Variants in ANKS1B observed in about 807,000 individuals in gnomAD.
The protein encoded by ANKS1B is ankyrin repeat and sterile alpha motif domain containing 1B, also known as ankyrin repeat and sterile alpha motif domain-containing protein 1B.
In ANKS1B, 36 loss-of-function variants were observed where a neutral mutation model predicts 148.3. The observed-to-expected ratio is 0.24, with a 90% CI of 0.19 to 0.32. The LOEUF is 0.32. Among genes scored for constraint, ANKS1B ranks in the 10% least tolerant of loss-of-function variants. The pLI, the probability that ANKS1B is intolerant of heterozygous loss-of-function variation, is 1.00. For synonymous variants in ANKS1B, 542 were observed against 560.8 expected (o/e 0.97, Z 0.47); for missense variants, 1,157 against 1,542.6 (o/e 0.75, Z 4.19).
At chr12:99,215,819 T>C (rs893037239) in intron 14 of ANKS1B, among the ~76,000 whole-genome samples, 4 of 152,330 alleles carry the variant, frequency 2.6e-5, no homozygotes, top group African/African-American at 9.6e-5. Flanking sequence ...TTGTCTCAGA[T>C]GAGACTTTGG....
intron 17 of ANKS1B, among the ~76,000 whole-genome samples, chr12:99,027,172 T>C (rs893299570): frequency 1.3e-5 from 2 of 152,222 alleles, no homozygotes; most frequent in South Asian, 2.1e-4. Flanking sequence ...ACAATCTGCA[T>C]ATTTAAAGAA....
At chr12:99,074,316 C>CA (rs540112405) in intron 16 of ANKS1B, among the ~76,000 whole-genome samples, 30 of 149,044 alleles carry the variant, frequency 2.0e-4, no homozygotes, top group African/African-American at 7.0e-4. Flanking sequence ...TAAACGATTC[C>CA]AAGATAAATT....
chr12:99,175,910 G>T (rs1364920758), intron 14 of ANKS1B, among the ~76,000 whole-genome samples: 1 of 152,160 alleles, frequency 6.6e-6, no homozygotes, highest in African/African-American at 2.4e-5. Context: ...GCAGTAGCAT[G>T]ATCTCCATTG....
chr12:99,546,126 C>G (rs1012093004), intron 9 of ANKS1B, among the ~76,000 whole-genome samples: 1 of 152,100 alleles, frequency 6.6e-6, no homozygotes, highest in African/African-American at 2.4e-5. Context: ...CTGTAGACAG[C>G]TGGCACATAG....
chr12:99,127,667 C>G (rs979077725), intron 15 of ANKS1B, among the ~76,000 whole-genome samples: 2 of 152,138 alleles, frequency 1.3e-5, no homozygotes, highest in Admixed American at 1.3e-4. Context: ...CACCAAGGGC[C>G]GTGTAGTTTT....
At chr12:99,236,847 G>C (rs1281559342) in intron 14 of ANKS1B, among the ~76,000 whole-genome samples, 4 of 152,130 alleles carry the variant, frequency 2.6e-5, no homozygotes, top group Non-Finnish European at 5.9e-5. Context: ...ACTAACACAG[G>C]AACAGAAAAC....
intron 15 of ANKS1B, among the ~76,000 whole-genome samples, chr12:99,087,964 TAGG>T (rs1188608360): frequency 6.6e-6 from 1 of 152,170 alleles, no homozygotes; most frequent in East Asian, 1.9e-4. Context: ...TGAAGAATTA[TAGG>T]GAAGTTAGAT....
intron 9 of ANKS1B, among the ~76,000 whole-genome samples, chr12:99,630,728 G>C (rs966510507): frequency 1.3e-5 from 2 of 152,172 alleles, no homozygotes; most frequent in Non-Finnish European, 2.9e-5. Context: ...CTTTCCTAGT[G>C]GGGAGTAACA....
intron 12 of ANKS1B, among the ~76,000 whole-genome samples, chr12:99,262,051 C>T (rs567914228): frequency 6.6e-6 from 1 of 152,168 alleles, no homozygotes; most frequent in South Asian, 2.1e-4. Context: ...CTTGTTTTTT[C>T]TGCCTGGGAT....
intron 2 of ANKS1B, among the ~76,000 whole-genome samples, chr12:99,821,376 G>A (rs781561434): frequency 5.9e-5 from 9 of 151,580 alleles, no homozygotes; most frequent in Non-Finnish European, 1.2e-4. Flanking sequence ...GTAATTAAAG[G>A]GATCTTTAAA....
chr12:99,055,012 C>T (rs146623020), intron 16 of ANKS1B, among the ~76,000 whole-genome samples: 7 of 152,286 alleles, frequency 4.6e-5, no homozygotes, highest in African/African-American at 9.6e-5. Context: ...GTGGTAGCTA[C>T]AAATGTAAAT....
chr12:99,722,226 C>T (rs536244663), intron 8 of ANKS1B, among the ~76,000 whole-genome samples: 1 of 152,306 alleles, frequency 6.6e-6, no homozygotes, highest in African/African-American at 2.4e-5. Context: ...ACAACAGATT[C>T]TCAATGTAGA....
intron 1 of ANKS1B, among the ~76,000 whole-genome samples, chr12:99,887,133 A>G (rs1033457325): frequency 1.1e-4 from 16 of 152,200 alleles, no homozygotes; most frequent in African/African-American, 3.6e-4. Context: ...TAACTGAAAC[A>G]GTGAAAGGCT....
intron 12 of ANKS1B, among the ~76,000 whole-genome samples, chr12:99,383,397 C>T (rs1421507276): frequency 6.6e-6 from 1 of 152,196 alleles, no homozygotes; most frequent in Admixed American, 6.5e-5. Flanking sequence ...TTTAAAATGG[C>T]TTATGAAGCC....
At chr12:99,891,314 G>C (rs2093092506) in intron 1 of ANKS1B, among the ~76,000 whole-genome samples, 1 of 152,080 alleles carries the variant, frequency 6.6e-6, no homozygotes, top group Non-Finnish European at 1.5e-5. Context: ...AAACAATTGA[G>C]AGTGTGTGTG....
At chr12:99,955,074 T>A (rs2095295167) in intron 1 of ANKS1B, among the ~76,000 whole-genome samples, 1 of 152,166 alleles carries the variant, frequency 6.6e-6, no homozygotes, top group South Asian at 2.1e-4. Flanking sequence ...TTGGGCCATC[T>A]GACACCTAAG....
intron 14 of ANKS1B, among the ~76,000 whole-genome samples, chr12:99,159,640 CT>C (rs2076437534): frequency 6.6e-6 from 1 of 152,114 alleles, no homozygotes; most frequent in African/African-American, 2.4e-5. Flanking sequence ...TTGATGAGTA[CT>C]CAGGTTGATG....
intron 9 of ANKS1B, among the ~76,000 whole-genome samples, chr12:99,566,016 TACGCTG>T (rs2097389024): frequency 6.6e-6 from 1 of 152,166 alleles, no homozygotes; most frequent in Non-Finnish European, 1.5e-5. Context: ...TTGTACTGAA[TACGCTG>T]ACATTTTGAT....
chr12:99,266,379 A>T (rs944817030), intron 12 of ANKS1B, among the ~76,000 whole-genome samples: 1 of 152,214 alleles, frequency 6.6e-6, no homozygotes, highest in African/African-American at 2.4e-5. Context: ...AAGCATTGTG[A>T]TAAGTGTTTT....
Sources: gnomAD v4.1 joint callset for allele counts (sites outside exome capture counted in the v4.1 genomes callset) on GRCh38, gnomAD v4.1.1 for gene constraint, MANE v1.5 for transcripts, NCBI Gene and HGNC (gene_info 2026-07-23, HGNC 2026-07-21) for gene names.